The following DUSP12 variants were observed in gnomAD, a reference collection of about 807,000 sequenced individuals.
DUSP12 encodes dual specificity protein phosphatase 12.
In DUSP12, 25 loss-of-function variants were observed where a neutral mutation model predicts 38.9. The ratio of observed to expected loss-of-function variants is 0.64; its 90% CI spans 0.47 to 0.90. The LOEUF (loss-of-function observed/expected upper bound fraction) is 0.90, where lower values mean the gene tolerates loss of function less well. DUSP12 is among the 40% of genes least tolerant of loss of function. DUSP12 has a pLI of 0.00. For synonymous variants in DUSP12, 153 were observed against 153.9 expected, an observed-to-expected ratio of 0.99 and a Z score of 0.05; for missense variants, 403 against 427.0, an observed-to-expected ratio of 0.94 and a Z score of 0.50.
intron 5 of DUSP12, among the ~76,000 whole-genome samples, chr1:161,753,573 G>A (rs1684061700): frequency 6.6e-6 from 1 of 151,836 alleles, no homozygotes; most frequent in South Asian, 2.1e-4. Context: ...TATATTGGCT[G>A]GGCACTCTTG....
At chr1:161,756,592 A>G (rs1178039872) in intron 5 of DUSP12, among the ~76,000 whole-genome samples, 194 bp from the exon 6 acceptor site, 1 of 150,726 alleles carries the variant, frequency 6.6e-6, no homozygotes, top group Admixed American at 6.6e-5. Flanking sequence ...CCTGAATACA[A>G]CATTCTTCCT....
intron 1 of DUSP12, 29 bp downstream of exon 1, chr1:161,750,174 C>T (rs1381743461): frequency 1.3e-6 from 2 of 1,581,490 alleles, no homozygotes; most frequent in Non-Finnish European, 1.7e-6. Flanking sequence ...GGGTGACGTG[C>T]CCCGCCAAGC....
chr1:161,753,943 C>G (rs1302484654), intron 5 of DUSP12, among the ~76,000 whole-genome samples: 2 of 152,088 alleles, frequency 1.3e-5, no homozygotes, highest in African/African-American at 4.8e-5. Flanking sequence ...TGCAGCTCAT[C>G]CTATTGCTCC....
At position 161,749,967 on chromosome 1, in the gene DUSP12, G is replaced by A; in HGVS notation, c.166G>A (p.Val56Met). The change falls in exon 1 of 6, where the codon GTG becomes ATG. Residue 56 changes from valine (V) to methionine (M), a missense_variant. By Grantham distance (21) the Val-to-Met change is conservative (BLOSUM62 1). Coordinates refer to ENST00000367943, the MANE Select transcript of DUSP12 (RefSeq NM_007240.3). ...CCTGAGGGAAGCGGGCATCACGGCC[G>A]TGCTAACAGTGGACTCGGAGGAGCC... ...DHLREAGITA[V>M]LTVDSEEPSF... 1.2e-6 allele frequency: 2 copies of A among 1,614,044 alleles called. No homozygotes were observed. Among genetic ancestry groups the A allele is most frequent in the African/African-American group, 2.7e-5 (2 of 75,072 alleles).
At chr1:161,752,740 A>G (rs35137451) in intron 4 of DUSP12, among the ~76,000 whole-genome samples, 3,916 of 152,306 alleles carry the variant, frequency 0.026, 78 homozygotes, top group Non-Finnish European at 0.039. Context: ...CTGTAACCCC[A>G]GCACTTTGGG....
chr1:161,756,483 CTATATATATATATA>C (rs10527814), intron 5 of DUSP12, among the ~76,000 whole-genome samples: 31,478 of 124,740 alleles, frequency 0.25, 4,782 homozygotes, highest in Middle Eastern at 0.36. Flanking sequence ...GATTTAAAAG[CTATATATATATATA>C]TATATATATA....
chr1:161,751,074 G>A (rs974273295), intron 1 of DUSP12: 2 of 152,312 alleles, frequency 1.3e-5, no homozygotes, highest in Non-Finnish European at 2.9e-5. Flanking sequence ...TGAATGCTAA[G>A]ATGAAAGGAG....
rs1316334058 is a variant in DUSP12, at chr1:161,752,447, C to G, written c.657C>G (p.Tyr219Ter). ...AAGGATTGAAAGATGAGGTTCTCTA[C>G]AAGTGTAGAAAGTGCAGGTAAACTA... ...VSQGLKDEVL[Y>*]KCRKCRRSLF... Residue 219 changes from tyrosine (Y) to a stop codon, truncating the protein, a stop_gained, in exon 4 of 6, where the codon TAC becomes TAG. Coordinates refer to ENST00000367943, the MANE Select transcript of DUSP12 (RefSeq NM_007240.3). LOFTEE classifies it high-confidence loss of function. The G allele has an allele frequency of 1.1e-5, 18 of 1,611,018 alleles. No homozygotes were observed. The highest frequency in any genetic ancestry group is 1.4e-5 in the Non-Finnish European group (17 of 1,177,798).
chr1:161,751,948 C>G lies in DUSP12; in HGVS notation c.541C>G (p.Gln181Glu). 1 of 1,611,904 alleles carries G rather than the reference C, an allele frequency of 6.2e-7. No homozygotes were observed. The highest frequency in any genetic ancestry group is 8.5e-7 in the Non-Finnish European group (1 of 1,179,126). ...GGATACCTCTAGTGCAATTTATAAG[C>G]AATATCGTTTACAAAAGGTTACAGA... is the stretch of plus-strand genomic sequence containing the variant. ...EVDTSSAIYKQYRLQKVTEKY... is the reference protein window; with the variant it reads ...EVDTSSAIYKEYRLQKVTEKY... Residue 181 changes from glutamine to glutamate, a missense_variant, in exon 3 of 6, where the codon CAA (glutamine) becomes GAA (glutamate). Gln to Glu is a conservative substitution (Grantham distance 29). Transcript: ENST00000367943.
In DUSP12 at chr1:161,756,986, A is replaced by G; in HGVS notation, c.*39A>G. 2 of 1,586,004 alleles carry G rather than the reference A, an allele frequency of 1.3e-6. No individual in the cohort carries two copies. Among genetic ancestry groups the G allele is most frequent in the Non-Finnish European group, 1.7e-6 (2 of 1,160,578 alleles). On this transcript the variant is annotated 3_prime_UTR_variant, in exon 6 of 6. Transcript: ENST00000367943. ...TAGCTTGGGAAGAAACTTGCAGATG[A>G]TATGTGCTGCCTTTGCTTCTTATCA...
chr1:161,750,246 A>G (rs1379073081), intron 1 of DUSP12, 101 bp downstream of exon 1: 1 of 1,325,048 alleles, frequency 7.5e-7, no homozygotes, highest in Non-Finnish European at 1.0e-6. Context: ...GAGCGCGGTC[A>G]TGCCGCGTGA....
chr1:161,756,643 C>A, intron 5 of DUSP12, 143 bp from the exon 6 acceptor site: 4 of 849,116 alleles, frequency 4.7e-6, no homozygotes, highest in East Asian at 2.7e-5. Context: ...AGTAAATTTC[C>A]AATGCATTTT....
rs775218704 is a variant in DUSP12, at chr1:161,750,098, C to T, written c.297C>T (p.Ala99=). The T allele has an allele frequency of 5.6e-6, 9 of 1,613,822 alleles. No homozygotes were observed. Among genetic ancestry groups the T allele is most frequent in the Non-Finnish European group, 6.8e-6 (8 of 1,179,964 alleles). The part of the protein sequence containing the change: ...DLLSHLDRCV[A]FIGQARAEGR... ...TCAGCCATCTGGACCGGTGCGTGGC[C>T]TTCATCGGTCAGGCCCGCGCTGAGG... Residue 99 remains alanine, a synonymous_variant, in exon 1 of 6, where the codon GCC becomes GCT. Transcript: ENST00000367943.
At position 161,753,130 on chromosome 1, in the gene DUSP12, A is replaced by G. The variant is rs747148445; in HGVS notation, c.730A>G (p.Ile244Val). Reference sequence around the variant, plus strand: ...GGATCACCGTGAAGGAAGTGGACCTATAGCCTTTGCCCACAAGAGAATGAC... The same window carrying G: ...GGATCACCGTGAAGGAAGTGGACCTGTAGCCTTTGCCCACAAGAGAATGAC... ...ILDHREGSGPIAFAHKRMTPS... is the reference protein window; with the variant it reads ...ILDHREGSGPVAFAHKRMTPS... Residue 244 changes from isoleucine (I) to valine (V), a missense_variant, in exon 5 of 6, where the codon ATA becomes GTA. Physicochemically the swap from Ile to Val is conservative, Grantham distance 29. Coordinates refer to ENST00000367943, the MANE Select transcript of DUSP12 (RefSeq NM_007240.3). The G allele has an allele frequency of 3.1e-6, 5 of 1,613,900 alleles. No homozygotes were observed. The African/African-American group carries it at 4.0e-5, about 13-fold the overall frequency.
rs553427773 is a variant in DUSP12, at chr1:161,753,304, ATATTT to A, written c.861+48_861+52del. ...TTTCTACAATTTTATTTTATGATCT[ATATTT>A]TATTCCTTCTTGCATTTTAAGCTCT... On this transcript the variant is annotated intron_variant, in intron 5 of 5. Coordinates refer to ENST00000367943, the MANE Select transcript of DUSP12 (RefSeq NM_007240.3). 6.1e-3 allele frequency: 8,866 copies of A among 1,444,526 alleles called. 34 individuals carry two copies. Among genetic ancestry groups the A allele is most frequent in the Non-Finnish European group, 7.0e-3 (7,559 of 1,081,796 alleles). The allele number at this position is 1,444,526 out of a possible 1,614,324, so 89.5% of individuals were successfully genotyped here.
chr1:161,751,009 TAAAAG>T (rs1194541124), intron 1 of DUSP12: 2 of 152,310 alleles, frequency 1.3e-5, no homozygotes, highest in South Asian at 2.1e-4. Context: ...ATTGAGCACA[TAAAAG>T]AAGATAGTGA....
Position 161,751,745 on chromosome 1 carries a change from C to T in DUSP12, c.422C>T (p.Ala141Val), listed in dbSNP as rs750483847. 14 of 1,613,216 alleles carry T rather than the reference C, an allele frequency of 8.7e-6. No individual in the cohort carries two copies. In the African/African-American group the frequency reaches 1.9e-4, roughly 22 times the overall value. The change falls in exon 2 of 6, where the codon GCC (alanine) becomes GTC (valine). Residue 141 changes from alanine (A) to valine (V), a missense_variant. By Grantham distance (64) the Ala-to-Val change is moderately conservative. Coordinates refer to ENST00000367943, the MANE Select transcript of DUSP12 (RefSeq NM_007240.3). ...ACTGACCAACTTCCCTTTGAAAAAG[C>T]CTATGAAAAGCTCCAGATTCTCAAA... ...MKTDQLPFEK[A>V]YEKLQILKPE...
rs1325199879 is a variant in DUSP12, at chr1:161,750,251, G to T, written c.344+106G>T. 6.4e-6 allele frequency: 8 copies of T among 1,248,662 alleles called. No individual in the cohort carries two copies. In the Admixed American group the frequency reaches 1.6e-4, roughly 25 times the overall value. 77.3% of individuals were successfully genotyped at this position (1,248,662 alleles called of 1,614,324 possible). On this transcript the variant is annotated intron_variant, in intron 1 of 5. Transcript: ENST00000367943. ...GGGAGGACAAGAGCGCGGTCATGCC[G>T]CGTGAACCTCCTCCCGCTGCCTCCC...
intron 1 of DUSP12, among the ~76,000 whole-genome samples, 165 bp downstream of exon 1, chr1:161,750,310 T>TG (rs1167753848): frequency 1.3e-5 from 2 of 152,188 alleles, no homozygotes; most frequent in African/African-American, 4.8e-5. Flanking sequence ...GGAGGAGGGT[T>TG]GAGGCGGGCC....
Sources: gnomAD v4.1 joint callset for allele counts (sites outside exome capture counted in the v4.1 genomes callset) on GRCh38, gnomAD v4.1.1 for gene constraint, MANE v1.5 for transcripts, NCBI Gene and HGNC (gene_info 2026-07-23, HGNC 2026-07-21) for gene names.